CFAP92: variants seen among roughly 807,000 people sequenced by gnomAD.
CFAP92 encodes uncharacterized protein CFAP92.
Under a neutral mutation model 106.3 loss-of-function variants are expected in CFAP92, and 86 were observed. The observed-to-expected ratio is 0.81, with a 90% CI of 0.68 to 0.97. CFAP92 has a LOEUF of 0.97. Ranked by LOEUF, CFAP92 falls within the 50% of genes least tolerant of loss-of-function variation. CFAP92 has a pLI of 0.00. For synonymous variants in CFAP92, 477 were observed against 506.4 expected, an observed-to-expected ratio of 0.94 and a Z score of 0.78; for missense variants, 1,204 against 1,283.8, an observed-to-expected ratio of 0.94 and a Z score of 0.95.
intron 9 of CFAP92, among the ~76,000 whole-genome samples, chr3:128,948,847 A>T (rs1445214999): frequency 1.3e-5 from 2 of 152,182 alleles, no homozygotes; most frequent in East Asian, 1.9e-4. Context: ...TATATTTTTT[A>T]AAACTCCCAA....
chr3:128,912,987 C>A, intron 15 of CFAP92: 1 of 467,408 alleles, frequency 2.1e-6, no homozygotes, highest in East Asian at 6.6e-5. Context: ...CTCAACCACA[C>A]ATTCTCTAAG....
chr3:128,945,447 C>A lies in CFAP92; in HGVS notation c.1882G>T (p.Ala628Ser), dbSNP rs1374215639. The change falls in exon 10 of 16, where the codon GCT becomes TCT. Residue 628 changes from alanine (A) to serine (S), a missense_variant. Transcript: ENST00000645291. The part of the protein sequence containing the change: ...GPMPRGNYLE[A>S]DSQLKLRVDI... ...ACTCGCAACTTGAGCTGGGAGTCAGCCTCTAGGTAGTTGCCCCTGGGCATT... is the reference window on the plus strand; with the variant it reads ...ACTCGCAACTTGAGCTGGGAGTCAGACTCTAGGTAGTTGCCCCTGGGCATT... 3.3e-6 allele frequency: 5 copies of A among 1,536,040 alleles called. No individual in the cohort carries two copies. The African/African-American group carries it at 5.5e-5, about 17-fold the overall frequency.
chr3:128,975,865 C>T lies in CFAP92; in HGVS notation c.935G>A (p.Gly312Glu), dbSNP rs374375800. 100 of 1,610,096 alleles carry T rather than the reference C, an allele frequency of 6.2e-5. No individual in the cohort carries two copies. The highest frequency in any genetic ancestry group is 8.2e-5 in the Non-Finnish European group (97 of 1,178,372). The stretch of plus-strand genomic sequence containing the variant: ...TTCCTTGATCTCCATCATGCTTGCT[C>T]CTGCCAAAGAAATGGTTGGTGTTCT... ...VSRTPTISLA[G>E]ASMMEIKELI... Residue 312 changes from glycine to glutamate, a missense_variant, in exon 7 of 16, where the codon GGA (glycine) becomes GAA (glutamate). Coordinates refer to ENST00000645291, the MANE Select transcript of CFAP92 (RefSeq NM_001394090.1).
the CFAP92 span, among the ~76,000 whole-genome samples, chr3:129,015,479 A>G: frequency 2.0e-5 from 3 of 152,132 alleles, no homozygotes; most frequent in South Asian, 4.1e-4. Context: ...TGCTAAGGAC[A>G]GTGGCTGGCT....
chr3:128,910,731 G>A lies in CFAP92; in HGVS notation c.3281-398C>T. On this transcript the variant is annotated intron_variant, in intron 15 of 15. Transcript: ENST00000645291. Reference sequence around the variant, plus strand: ...TTTGGGCATATCTTTTCTGTCCTCGGTTCTGGCAGGTTCTCTTGGCCAACA... The same window carrying A: ...TTTGGGCATATCTTTTCTGTCCTCGATTCTGGCAGGTTCTCTTGGCCAACA... 2 of 1,614,214 alleles carry A rather than the reference G, an allele frequency of 1.2e-6. No homozygotes were observed. Among genetic ancestry groups the A allele is most frequent in the Non-Finnish European group, 1.7e-6 (2 of 1,180,036 alleles).
chr3:128,976,407 C>T (rs1214748697), intron 6 of CFAP92, among the ~76,000 whole-genome samples: 1 of 151,986 alleles, frequency 6.6e-6, no homozygotes, highest in Non-Finnish European at 1.5e-5. Context: ...CAATTCTTCC[C>T]AAATTAATCT....
chr3:129,013,190 G>A, the CFAP92 span, among the ~76,000 whole-genome samples: 3,582 of 152,228 alleles, frequency 0.024, 140 homozygotes, highest in African/African-American at 0.08. Flanking sequence ...CATCATGATC[G>A]CCAGATTGTT....
At chr3:128,999,045 C>T (rs1447289827), upstream of CFAP92, among the ~76,000 whole-genome samples, 1 of 152,110 alleles carries the variant, frequency 6.6e-6, no homozygotes, top group Non-Finnish European at 1.5e-5. Flanking sequence ...TAGCATTTTC[C>T]CGGACCTTTA....
At chr3:128,973,758 T>C (rs892998248) in intron 7 of CFAP92, among the ~76,000 whole-genome samples, 4 of 151,900 alleles carry the variant, frequency 2.6e-5, no homozygotes, top group African/African-American at 9.7e-5. Flanking sequence ...GGGGTCCCAC[T>C]GGGCCAATGC....
chr3:128,953,534 G>T (rs1486242134), intron 9 of CFAP92, among the ~76,000 whole-genome samples: 1 of 139,314 alleles, frequency 7.2e-6, no homozygotes, highest in Non-Finnish European at 1.5e-5. Context: ...AAAAGAAAGA[G>T]GGATAATCAC....
intron 1 of CFAP92, chr3:129,001,927 C>T: frequency 1.9e-6 from 3 of 1,539,636 alleles, no homozygotes; most frequent in Non-Finnish European, 1.8e-6. Flanking sequence ...GGGCAGGCAG[C>T]AGGTGACGGG....
At chr3:128,983,919 C>T (rs922328376) in intron 4 of CFAP92, among the ~76,000 whole-genome samples, 1 of 152,188 alleles carries the variant, frequency 6.6e-6, no homozygotes, top group Admixed American at 6.5e-5. Flanking sequence ...CAAGGCAGCA[C>T]CAGGGCCGAA....
chr3:128,956,221 A>AAAAAAAAAT (rs1941401039), intron 9 of CFAP92, among the ~76,000 whole-genome samples: 1 of 84,170 alleles, frequency 1.2e-5, no homozygotes, highest in African/African-American at 1.2e-4. Context: ...AAAATAAAAA[A>AAAAAAAAAT]AAAAAAAGAA....
intron 9 of CFAP92, among the ~76,000 whole-genome samples, chr3:128,951,986 T>C (rs1940852619): frequency 6.6e-6 from 1 of 152,166 alleles, no homozygotes; most frequent in South Asian, 2.1e-4. Context: ...CAGGGTACAG[T>C]GGCCAAGTGG....
At chr3:128,984,525 CG>C (rs1943728718) in intron 4 of CFAP92, among the ~76,000 whole-genome samples, 1 of 152,114 alleles carries the variant, frequency 6.6e-6, no homozygotes, top group Non-Finnish European at 1.5e-5. Flanking sequence ...AGTGGTTTGC[CG>C]GGGGGCTCTC....
chr3:128,941,666 G>A (rs1939647919), intron 10 of CFAP92, among the ~76,000 whole-genome samples: 1 of 152,076 alleles, frequency 6.6e-6, no homozygotes, highest in Admixed American at 6.6e-5. Flanking sequence ...TAGTAGAGAT[G>A]GGGTTTCACC....
rs768184155 is a variant in CFAP92, at chr3:128,971,380, G to A, written c.1075C>T (p.Pro359Ser). The A allele has an allele frequency of 2.0e-5, 32 of 1,613,376 alleles. No homozygotes were observed. The highest frequency in any genetic ancestry group is 2.6e-5 in the Non-Finnish European group (31 of 1,179,650). The part of the protein sequence containing the change: ...RRKIQRRHKK[P>S]LAEEEADPTL... ...GGGTCTGCCTCTTCTTCTGCCAGGG[G>A]CTTCTTATGTCTCCTCTGGATTTTC... The change falls in exon 8 of 16, where the codon CCC becomes TCC. Residue 359 changes from proline (P) to serine (S), a missense_variant. Physicochemically the swap from Pro to Ser is moderately conservative, Grantham distance 74 (BLOSUM62 -1). Transcript: ENST00000645291.
At chr3:128,919,634 G>A (rs1937104847) in intron 12 of CFAP92, among the ~76,000 whole-genome samples, 1 of 152,178 alleles carries the variant, frequency 6.6e-6, no homozygotes, top group Non-Finnish European at 1.5e-5. Context: ...AATAATGGTG[G>A]TTCCATTTTC....
In CFAP92 at chr3:128,945,664, G is replaced by T. The variant is rs1222825925; in HGVS notation, c.1665C>A (p.Ser555=). ...PRETENNPFE[S]QNKMWYPYGI... is the part of the protein sequence containing the mutation. ...CATAAGGGTACCACATCTTGTTCTG[G>T]GACTCAAAGGGGTTGTTCTCTGTCT... The change falls in exon 10 of 16, where the codon TCC becomes TCA. Residue 555 remains serine, a synonymous_variant. Transcript: ENST00000645291. 1 of 1,536,106 alleles carries T rather than the reference G, an allele frequency of 6.5e-7. No individual in the cohort carries two copies. The highest frequency in any genetic ancestry group is 1.4e-5 in the African/African-American group (1 of 73,150).
Sources: allele counts gnomAD v4.1 joint callset (sites outside exome capture counted in the v4.1 genomes callset), GRCh38; gene constraint gnomAD v4.1.1; transcripts MANE v1.5; gene names NCBI Gene and HGNC (gene_info 2026-07-23, HGNC 2026-07-21).